DOCK4: variants seen among roughly 807,000 people sequenced by gnomAD.
DOCK4 encodes the protein dedicator of cytokinesis 4.
In DOCK4, 97 loss-of-function variants were observed where a neutral mutation model predicts 268.1. That is an observed-to-expected ratio of 0.36 (90% CI 0.31 to 0.43). The LOEUF (loss-of-function observed/expected upper bound fraction) is 0.43. Among genes scored for constraint, DOCK4 ranks in the 20% least tolerant of loss-of-function variants. The pLI is 1.00. For synonymous variants in DOCK4, 954 were observed against 887.2 expected (o/e 1.08, Z -1.34); for missense variants, 2,145 against 2,455.7 (o/e 0.87, Z 2.67).
chr7:112,191,755 G>A (rs1413756432), intron 1 of DOCK4, among the ~76,000 whole-genome samples: 1 of 151,924 alleles, frequency 6.6e-6, no homozygotes, highest in East Asian at 1.9e-4. Context: ...TGGGTCCCCT[G>A]CAACAAATTA....
At chr7:112,185,540 G>A (rs969464490) in intron 1 of DOCK4, among the ~76,000 whole-genome samples, 1 of 151,770 alleles carries the variant, frequency 6.6e-6, no homozygotes, top group Non-Finnish European at 1.5e-5. Flanking sequence ...AAGCATTCAA[G>A]TCTGATTCTG....
chr7:112,111,624 A>T (rs1448152206), intron 1 of DOCK4, among the ~76,000 whole-genome samples: 1 of 151,810 alleles, frequency 6.6e-6, no homozygotes, highest in African/African-American at 2.4e-5. Flanking sequence ...AAAATGTATC[A>T]CTCCCTAACC....
chr7:111,949,885 C>T (rs953289306), intron 8 of DOCK4, among the ~76,000 whole-genome samples: 2 of 152,154 alleles, frequency 1.3e-5, no homozygotes, highest in Non-Finnish European at 2.9e-5. Context: ...GCCTTCAACG[C>T]CCAGAAAAAA....
At chr7:111,877,577 T>G (rs1807010312) in intron 16 of DOCK4, among the ~76,000 whole-genome samples, 1 of 152,180 alleles carries the variant, frequency 6.6e-6, no homozygotes, top group South Asian at 2.1e-4. Flanking sequence ...ACCATAGTAT[T>G]TTTTTCAAAA....
intron 11 of DOCK4, among the ~76,000 whole-genome samples, chr7:111,938,807 T>C (rs987272973): frequency 6.6e-6 from 1 of 151,794 alleles, no homozygotes; most frequent in African/African-American, 2.4e-5. Context: ...GACTGTATCT[T>C]TATAAAAAGG....
At chr7:112,205,044 T>G (rs1821276863) in intron 1 of DOCK4, among the ~76,000 whole-genome samples, 2 of 152,118 alleles carry the variant, frequency 1.3e-5, no homozygotes, top group Admixed American at 1.3e-4. Context: ...GAGCCTGGCT[T>G]CTTAATAGTC....
intron 1 of DOCK4, among the ~76,000 whole-genome samples, chr7:112,204,882 A>AACACACACACACACACAC (rs34706974): frequency 6.7e-6 from 1 of 149,912 alleles, no homozygotes; most frequent in Non-Finnish European, 1.5e-5. Flanking sequence ...TCAATTTTAA[A>AACACACACACACACACAC]ACACACACAC....
intron 6 of DOCK4, 106 bp from the exon 7 acceptor site, chr7:111,984,496 C>T (rs1162014735): frequency 2.3e-6 from 2 of 872,652 alleles, no homozygotes; most frequent in Admixed American, 2.2e-5. Context: ...ATATCACCCA[C>T]CATGCTTCTC....
rs866779950 is a variant in DOCK4 at position 111,808,670 on chromosome 7, G to A, written c.3166+151C>T. The A allele has an allele frequency of 1.1e-5, 8 of 727,838 alleles. No homozygotes were observed. The South Asian group carries it at 1.9e-4, about 17-fold the overall frequency. 45.1% of individuals were successfully genotyped at this position (727,838 alleles called of 1,614,324 possible). On this transcript the variant is annotated intron_variant, in intron 30 of 52. Transcript: ENST00000428084. The stretch of plus-strand genomic sequence containing the variant: ...AGAATTTGTTGTAACCTCATTCAAT[G>A]CCAAAGTGTCAATTACTTTCTATAG...
At chr7:111,895,975 T>C (rs557098336) in intron 15 of DOCK4, among the ~76,000 whole-genome samples, 6 of 152,312 alleles carry the variant, frequency 3.9e-5, no homozygotes, top group African/African-American at 1.4e-4. Flanking sequence ...TTTAAAAAAT[T>C]TGTGGATTGC....
At chr7:112,200,733 A>AAAAT (rs1187259005) in intron 1 of DOCK4, among the ~76,000 whole-genome samples, 1 of 117,760 alleles carries the variant, frequency 8.5e-6, no homozygotes. Context: ...AATAAAAAAA[A>AAAAT]AAAAACAAAA....
intron 31 of DOCK4, 96 bp from the exon 32 acceptor site, chr7:111,788,843 A>G: frequency 8.6e-7 from 1 of 1,161,378 alleles, no homozygotes; most frequent in South Asian, 1.3e-5. Flanking sequence ...GGAAAAAGCC[A>G]TGGTAAATTT....
rs1817529300 is a variant in DOCK4, at chr7:112,165,544, G to GTA, written c.37+40557_37+40558insTA. Among the ~76,000 whole-genome samples, 6 of 138,704 alleles carry GTA rather than the reference G, an allele frequency of 4.3e-5. No individual in the cohort carries two copies. In the South Asian group the frequency reaches 1.6e-3, roughly 38 times the overall value. 91.0% of individuals were successfully genotyped at this position (138,704 alleles called of 152,430 possible). Reference sequence around the variant, plus strand: ...TATACGTGTGTGTGTGTGTGTGTGTGTGTGTGTGTGTGTGTGCGTGTGTGT... The same window carrying GTA: ...TATACGTGTGTGTGTGTGTGTGTGTGTATGTGTGTGTGTGTGTGCGTGTGTGT... On this transcript the variant is annotated intron_variant, in intron 1 of 52. Transcript: ENST00000428084.
Position 111,891,641 on chromosome 7 carries a change from A to G in DOCK4, c.1587+3971T>C, listed in dbSNP as rs188881217. Among the ~76,000 whole-genome samples, 361 of 152,336 alleles carry G rather than the reference A, an allele frequency of 2.4e-3. 1 individual carries two copies. Among genetic ancestry groups the G allele is most frequent in the African/African-American group, 8.3e-3 (347 of 41,580 alleles). On this transcript the variant is annotated intron_variant, in intron 16 of 52. Coordinates refer to ENST00000428084, the MANE Select transcript of DOCK4 (RefSeq NM_001363540.2). ...GATGGCTGAGTTGAAGGATATACAC[A>G]TTTAAAATTTATCTACGTATTGCCA...
At chr7:112,163,625 A>G (rs1472917788) in intron 1 of DOCK4, among the ~76,000 whole-genome samples, 2 of 152,194 alleles carry the variant, frequency 1.3e-5, no homozygotes. Flanking sequence ...AGTATAGGCA[A>G]GGCAGATACT....
intron 15 of DOCK4, among the ~76,000 whole-genome samples, chr7:111,898,993 C>G (rs1373017413): frequency 5.3e-5 from 8 of 152,072 alleles, no homozygotes; most frequent in Admixed American, 5.2e-4. Context: ...ATATTAGACC[C>G]CAGTGAGAAT....
intron 8 of DOCK4, among the ~76,000 whole-genome samples, chr7:111,973,036 T>C (rs1369618679): frequency 6.6e-6 from 1 of 151,514 alleles, no homozygotes; most frequent in East Asian, 1.9e-4. Context: ...AGTGAGAACA[T>C]ACAATGTTTG....
intron 27 of DOCK4, 117 bp downstream of exon 27, chr7:111,822,245 C>T: frequency 8.0e-6 from 6 of 754,412 alleles, no homozygotes; most frequent in Non-Finnish European, 1.1e-5. Context: ...TTTTTAAAGG[C>T]TTAATTCAGA....
chr7:112,029,094 C>G (rs984609604), intron 1 of DOCK4, among the ~76,000 whole-genome samples: 11 of 152,174 alleles, frequency 7.2e-5, no homozygotes, highest in African/African-American at 4.8e-5. Flanking sequence ...AAATCCATCA[C>G]TTAGTTGGTG....
Sources: gnomAD v4.1 joint callset for allele counts (sites outside exome capture counted in the v4.1 genomes callset) on GRCh38, gnomAD v4.1.1 for gene constraint, MANE v1.5 for transcripts, NCBI Gene and HGNC (gene_info 2026-07-23, HGNC 2026-07-21) for gene names.